IL7R: variants seen among roughly 807,000 people sequenced by gnomAD.
The protein encoded by IL7R is interleukin 7 receptor, also known as interleukin-7 receptor subunit alpha.
IL7R carries 38 observed loss-of-function variants against 47.0 expected under a neutral mutation model. The ratio of observed to expected loss-of-function variants is 0.81; its 90% confidence interval spans 0.62 to 1.06. The LOEUF (loss-of-function observed/expected upper bound fraction) is 1.06. IL7R is among the 50% of genes least tolerant of loss of function. IL7R has a pLI of 0.00. For synonymous variants in IL7R, 221 were observed against 199.8 expected (o/e 1.11, Z -0.89); for missense variants, 633 against 534.8 (o/e 1.18, Z -1.81).
At position 35,873,494 on chromosome 5, in the gene IL7R, C is replaced by T. The variant is rs748733640; in HGVS notation, c.552C>T (p.Ser184=). 14 of 1,613,810 alleles carry T rather than the reference C, an allele frequency of 8.7e-6. No homozygotes were observed. Among genetic ancestry groups the T allele is most frequent in the Non-Finnish European group, 1.2e-5 (14 of 1,179,888 alleles). Reference sequence around the variant, plus strand: ...CTACTCTCTAGCATGTGAATTTATCCAGCACAAAGCTGACACTCCTGCAGA... The same window carrying T: ...CTACTCTCTAGCATGTGAATTTATCTAGCACAAAGCTGACACTCCTGCAGA... The part of the protein sequence containing the change: ...DENKWTHVNL[S]STKLTLLQRK... The change falls in exon 5 of 8, where the codon TCC becomes TCT. Residue 184 remains serine (S), a synonymous_variant. Coordinates refer to ENST00000303115, the MANE Select transcript of IL7R (RefSeq NM_002185.5).
In IL7R at chr5:35,879,153, T is replaced by C. The variant is rs1223192267; in HGVS notation, c.*2667T>C. 1.3e-5 allele frequency: 3 copies of C among 232,848 alleles called. No individual in the cohort carries two copies. In the Admixed American group the frequency reaches 1.7e-4, roughly 13 times the overall value. The allele number at this position is 232,848 out of a possible 1,614,324, so 14.4% of individuals were successfully genotyped here. On this transcript the variant is annotated 3_prime_UTR_variant, in exon 8 of 8. Transcript: ENST00000303115. Reference sequence around the variant, plus strand: ...TGTAAACTGCCAGTTCTATATAGCATGAAATGAAAAGACAGCTAATTTGGT... The same window carrying C: ...TGTAAACTGCCAGTTCTATATAGCACGAAATGAAAAGACAGCTAATTTGGT...
chr5:35,858,933 G>A (rs1580849959), intron 1 of IL7R, among the ~76,000 whole-genome samples: 1 of 152,284 alleles, frequency 6.6e-6, no homozygotes, highest in East Asian at 1.9e-4. Flanking sequence ...TAACACCACA[G>A]GTCTTAACCA....
At position 35,874,503 on chromosome 5, in the gene IL7R, C is replaced by T; in HGVS notation, c.761C>T (p.Ala254Val). 6.2e-7 allele frequency: 1 copy of T among 1,613,654 alleles called. No individual in the cohort carries two copies. Among genetic ancestry groups the T allele is most frequent in the Non-Finnish European group, 8.5e-7 (1 of 1,179,578 alleles). The change falls in exon 6 of 8, where the codon GCT becomes GTT. Residue 254 changes from alanine (A) to valine (V), a missense_variant. Ala to Val is a moderately conservative substitution (Grantham distance 64). Transcript: ENST00000303115. ...AGCATTTTGAGTTTTTTCTCTGTCG[C>T]TCTGTTGGTCATCTTGGCCTGTGTG... ...TISILSFFSV[A>V]LLVILACVLW...
At chr5:35,869,989 G>A (rs2149900878) in intron 3 of IL7R, among the ~76,000 whole-genome samples, 1 of 152,276 alleles carries the variant, frequency 6.6e-6, no homozygotes, top group African/African-American at 2.4e-5. Flanking sequence ...CATGTGGGCT[G>A]CATTTTATTG....
intron 3 of IL7R, among the ~76,000 whole-genome samples, chr5:35,870,606 GC>G (rs1221773510): frequency 6.6e-6 from 1 of 152,122 alleles, no homozygotes; most frequent in African/African-American, 2.4e-5. Context: ...TAACAAATAA[GC>G]CCCCAAACAT....
intron 1 of IL7R, among the ~76,000 whole-genome samples, chr5:35,858,349 T>G (rs1306117389): frequency 2.0e-5 from 3 of 152,158 alleles, no homozygotes; most frequent in Non-Finnish European, 2.9e-5. Flanking sequence ...GTTGTCAATT[T>G]TCTGATCATC....
At chr5:35,871,607 T>C (rs1417534053) in intron 4 of IL7R, among the ~76,000 whole-genome samples, 1 of 152,246 alleles carries the variant, frequency 6.6e-6, no homozygotes, top group Non-Finnish European at 1.5e-5. Context: ...GCTTATGAGA[T>C]TCATGGGACC....
Position 35,876,347 on chromosome 5 carries a change from C to T in IL7R, c.1241C>T (p.Thr414Met), listed in dbSNP as rs2229232. 7.0e-3 allele frequency: 11,280 copies of T among 1,613,172 alleles called. 153 individuals are homozygous for T. Among genetic ancestry groups the T allele is most frequent in the South Asian group, 0.037 (3,366 of 91,006 alleles). The change falls in exon 8 of 8, where the codon ACG becomes ATG. Residue 414 changes from threonine (T) to methionine (M), a missense_variant. By Grantham distance (81) the Thr-to-Met change is moderately conservative. Transcript: ENST00000303115. ...CTTAGCCTTGGGACTACAAACAGCACGCTGCCCCCTCCATTTTCTCTCCAA... is the reference window on the plus strand; with the variant it reads ...CTTAGCCTTGGGACTACAAACAGCATGCTGCCCCCTCCATTTTCTCTCCAA... ...LLLSLGTTNS[T>M]LPPPFSLQSG... is the part of the protein sequence containing the mutation.
At chr5:35,857,184 A>G in intron 1 of IL7R, 125 bp downstream of exon 1, 1 of 711,840 alleles carries the variant, frequency 1.4e-6, no homozygotes, top group Non-Finnish European at 2.5e-6. Flanking sequence ...TTTCCCACAT[A>G]TTCAGTCATT....
intron 1 of IL7R, among the ~76,000 whole-genome samples, chr5:35,859,332 A>G (rs933563607): frequency 5.9e-5 from 9 of 152,192 alleles, no homozygotes; most frequent in Admixed American, 1.3e-4. Context: ...GGTGGAAGAG[A>G]AAATGTCAGG....
intron 3 of IL7R, among the ~76,000 whole-genome samples, chr5:35,868,790 C>T (rs1760000812): frequency 6.6e-6 from 1 of 152,204 alleles, no homozygotes; most frequent in Admixed American, 6.5e-5. Context: ...TCCACACCAG[C>T]ATGCAAGCCC....
intron 4 of IL7R, among the ~76,000 whole-genome samples, chr5:35,871,611 TGGG>T (rs547059486): frequency 1.4e-3 from 210 of 152,364 alleles, no homozygotes; most frequent in African/African-American, 4.9e-3. Flanking sequence ...ATGAGATTCA[TGGG>T]ACCAGCATGA....
chr5:35,867,451 C>T lies in IL7R; in HGVS notation c.367C>T (p.Leu123=). The T allele has an allele frequency of 1.2e-6, 2 of 1,612,596 alleles. No homozygotes were observed. Among genetic ancestry groups the T allele is most frequent in the Non-Finnish European group, 1.7e-6 (2 of 1,179,266 alleles). The change falls in exon 3 of 8, where the codon CTA becomes TTA. Residue 123 remains leucine, a synonymous_variant. Coordinates refer to ENST00000303115, the MANE Select transcript of IL7R (RefSeq NM_002185.5). ...EKSLTCKKID[L]TTIVKPEAPF... ...GAGTCTAACCTGCAAAAAAATAGAC[C>T]TAACCACTATAGGTAAGAAGTTGTA...
intron 3 of IL7R, among the ~76,000 whole-genome samples, chr5:35,870,421 C>G (rs1270130818): frequency 6.6e-6 from 1 of 152,194 alleles, no homozygotes; most frequent in Non-Finnish European, 1.5e-5. Context: ...GCAGACCCTT[C>G]ATGTCACTGT....
chr5:35,869,305 A>C (rs1351074892), intron 3 of IL7R, among the ~76,000 whole-genome samples: 1 of 152,198 alleles, frequency 6.6e-6, no homozygotes, highest in Non-Finnish European at 1.5e-5. Flanking sequence ...ATGATTATTC[A>C]GATTGTACAA....
chr5:35,858,891 A>G (rs1212828873), intron 1 of IL7R, among the ~76,000 whole-genome samples: 2 of 152,228 alleles, frequency 1.3e-5, no homozygotes, highest in African/African-American at 4.8e-5. Flanking sequence ...CAGGTAGAGT[A>G]TCCAGAATTT....
intron 2 of IL7R, among the ~76,000 whole-genome samples, chr5:35,864,270 C>G (rs1759886543): frequency 6.6e-6 from 1 of 152,012 alleles, no homozygotes; most frequent in Non-Finnish European, 1.5e-5. Context: ...TTAATTCTTT[C>G]TCTTCTTGAT....
At chr5:35,868,305 CAA>C (rs992587382) in intron 3 of IL7R, among the ~76,000 whole-genome samples, 2 of 152,106 alleles carry the variant, frequency 1.3e-5, no homozygotes, top group African/African-American at 4.8e-5. Context: ...CTTCAACCCT[CAA>C]AAAGAAAATT....
Position 35,876,713 on chromosome 5 carries a change from G to A in IL7R, c.*227G>A. On this transcript the variant is annotated 3_prime_UTR_variant, in exon 8 of 8. Transcript: ENST00000303115. ...TCTACCATGTGGATTTGGTCACAAGGTTTAAGGTGACCCAATGATTCAGCT... is the reference window on the plus strand; with the variant it reads ...TCTACCATGTGGATTTGGTCACAAGATTTAAGGTGACCCAATGATTCAGCT... 1.8e-6 allele frequency: 1 copy of A among 559,490 alleles called. No homozygotes were observed. 34.7% of individuals were successfully genotyped at this position (559,490 alleles called of 1,614,324 possible).
Sources: gnomAD v4.1 joint callset for allele counts (sites outside exome capture counted in the v4.1 genomes callset) on GRCh38, gnomAD v4.1.1 for gene constraint, MANE v1.5 for transcripts, NCBI Gene and HGNC (gene_info 2026-07-23, HGNC 2026-07-21) for gene names.